SLC30A7: variants seen among roughly 807,000 people sequenced by gnomAD.
SLC30A7 encodes zinc transporter 7.
A neutral mutation model predicts 46.0 loss-of-function variants in SLC30A7; 35 were observed. The ratio of observed to expected loss-of-function variants is 0.76; its 90% CI spans 0.58 to 1.01. SLC30A7 has a LOEUF of 1.01. Ranked by LOEUF, SLC30A7 falls within the 50% of genes least tolerant of loss-of-function variation. SLC30A7 has a pLI of 0.00. For missense variants in SLC30A7, 464 were observed against 451.1 expected, an observed-to-expected ratio of 1.03 and a Z score of -0.26; for synonymous variants, 147 against 157.8, an observed-to-expected ratio of 0.93 and a Z score of 0.51.
the SLC30A7 span, among the ~76,000 whole-genome samples, chr1:100,994,041 CAA>C: frequency 6.6e-6 from 1 of 151,694 alleles, no homozygotes; most frequent in African/African-American, 2.4e-5. Context: ...CACGCCCAGC[CAA>C]AAAAGGCAAA....
chr1:100,907,353 A>G (rs2014079026), intron 3 of SLC30A7, among the ~76,000 whole-genome samples: 1 of 151,910 alleles, frequency 6.6e-6, no homozygotes. Flanking sequence ...GTTTTATATT[A>G]TGTTCTTTAG....
intron 10 of SLC30A7, among the ~76,000 whole-genome samples, chr1:100,969,524 G>GAATTC (rs765778510): frequency 5.9e-5 from 9 of 152,176 alleles, no homozygotes. Context: ...AGGAACTCTT[G>GAATTC]AAGTTTTCAT....
chr1:100,912,288 C>T (rs79189562), intron 5 of SLC30A7, 50 bp downstream of exon 5: 4 of 1,584,878 alleles, frequency 2.5e-6, no homozygotes, highest in Non-Finnish European at 1.7e-6. Context: ...AGGTTTCTGT[C>T]ATAATTATTT....
chr1:100,963,885 A>G (rs1655690167), intron 9 of SLC30A7, among the ~76,000 whole-genome samples: 1 of 152,198 alleles, frequency 6.6e-6, no homozygotes, highest in Admixed American at 6.5e-5. Flanking sequence ...TAAAGGAATG[A>G]CATCATGAGT....
Position 100,924,480 on chromosome 1 carries a change from A to G in SLC30A7, c.842+2639A>G, listed in dbSNP as rs138332246. Among the ~76,000 whole-genome samples, 319 of 152,056 alleles carry G rather than the reference A, an allele frequency of 2.1e-3. 5 individuals carry two copies. Among genetic ancestry groups the G allele is most frequent in the East Asian group, 0.019 (97 of 5,172 alleles). On this transcript the variant is annotated intron_variant, in intron 8 of 10. Coordinates refer to ENST00000357650, the MANE Select transcript of SLC30A7 (RefSeq NM_133496.5). The stretch of plus-strand genomic sequence containing the variant: ...TCAGATCAGATTCAGTTTAAATGGC[A>G]TTTCTTTGGGAAGCATTTCCTGATT...
At chr1:100,938,940 G>A (rs572918884) in intron 8 of SLC30A7, among the ~76,000 whole-genome samples, 1 of 152,258 alleles carries the variant, frequency 6.6e-6, no homozygotes, top group African/African-American at 2.4e-5. Context: ...TACCCAATAG[G>A]TAGTTTTTCA....
chr1:100,964,456 G>C (rs1479970972), intron 9 of SLC30A7, among the ~76,000 whole-genome samples: 1 of 149,886 alleles, frequency 6.7e-6, no homozygotes, highest in Non-Finnish European at 1.5e-5. Flanking sequence ...AAACTACAGG[G>C]TGAGTATCGT....
At chr1:100,949,245 T>C (rs547836218) in intron 8 of SLC30A7, among the ~76,000 whole-genome samples, 8 of 152,318 alleles carry the variant, frequency 5.3e-5, no homozygotes, top group African/African-American at 1.7e-4. Context: ...TTTGTTAGCT[T>C]TCCTTGTAAC....
At chr1:100,915,734 T>A (rs1417388221) in intron 6 of SLC30A7, among the ~76,000 whole-genome samples, 5 of 152,204 alleles carry the variant, frequency 3.3e-5, no homozygotes, top group Admixed American at 3.3e-4. Context: ...AATGCTGTAG[T>A]GAATACGGAA....
intron 9 of SLC30A7, among the ~76,000 whole-genome samples, chr1:100,964,343 TATATAC>T (rs1376470960): frequency 7.0e-6 from 1 of 143,604 alleles, no homozygotes; most frequent in East Asian, 2.0e-4. Flanking sequence ...ATATATGTTA[TATATAC>T]ATATACATAT....
intron 8 of SLC30A7, among the ~76,000 whole-genome samples, chr1:100,946,216 T>C (rs1298184785): frequency 6.6e-6 from 1 of 152,164 alleles, no homozygotes; most frequent in Non-Finnish European, 1.5e-5. Flanking sequence ...TAAATATACA[T>C]TCATGTCATC....
intron 10 of SLC30A7, among the ~76,000 whole-genome samples, chr1:100,973,438 T>G (rs991484761): frequency 6.6e-6 from 1 of 152,176 alleles, no homozygotes; most frequent in African/African-American, 2.4e-5. Flanking sequence ...TAGTAGAATT[T>G]TAGTTAATTC....
intron 7 of SLC30A7, 132 bp from the exon 8 acceptor site, chr1:100,921,574 A>G: frequency 1.6e-6 from 1 of 626,298 alleles, no homozygotes; most frequent in Non-Finnish European, 2.6e-6. Flanking sequence ...AATGGTGAAT[A>G]TACATGCTTA....
chr1:100,902,726 G>A (rs1303431122), intron 2 of SLC30A7, among the ~76,000 whole-genome samples: 1 of 152,084 alleles, frequency 6.6e-6, no homozygotes, highest in Non-Finnish European at 1.5e-5. Flanking sequence ...CCTTATCTTC[G>A]CATTGTGATC....
chr1:100,960,428 T>C (rs1180339578), intron 8 of SLC30A7, among the ~76,000 whole-genome samples: 3 of 152,308 alleles, frequency 2.0e-5, no homozygotes, highest in Non-Finnish European at 4.4e-5. Flanking sequence ...TTGGGCCCAC[T>C]TTATGACCAG....
intron 10 of SLC30A7, among the ~76,000 whole-genome samples, chr1:100,973,185 G>A (rs1656254321): frequency 6.6e-6 from 1 of 152,044 alleles, no homozygotes; most frequent in Non-Finnish European, 1.5e-5. Context: ...CAAGCACTCA[G>A]TATTGTACAG....
chr1:100,929,227 C>A (rs1403103602), intron 8 of SLC30A7, among the ~76,000 whole-genome samples: 1 of 151,934 alleles, frequency 6.6e-6, no homozygotes, highest in African/African-American at 2.4e-5. Context: ...CATCTCTTGC[C>A]TAATTTCTCT....
the SLC30A7 span, among the ~76,000 whole-genome samples, chr1:100,991,215 C>A: frequency 3.9e-5 from 6 of 152,158 alleles, no homozygotes; most frequent in Non-Finnish European, 7.4e-5. Context: ...GCATTTGGCA[C>A]TATTTATGTT....
At chr1:100,907,536 G>A (rs1651761654) in intron 3 of SLC30A7, among the ~76,000 whole-genome samples, 1 of 152,048 alleles carries the variant, frequency 6.6e-6, no homozygotes, top group Non-Finnish European at 1.5e-5. Flanking sequence ...TGATTACACT[G>A]CCTGAGTGTT....
Sources: allele counts gnomAD v4.1 joint callset (sites outside exome capture counted in the v4.1 genomes callset), GRCh38; gene constraint gnomAD v4.1.1; transcripts MANE v1.5; gene names NCBI Gene and HGNC (gene_info 2026-07-23, HGNC 2026-07-21).